The following LRBA variants were observed in gnomAD, a reference collection of about 807,000 sequenced individuals.
The protein encoded by LRBA is lipopolysaccharide-responsive and beige-like anchor protein.
Under a neutral mutation model 330.0 loss-of-function variants are expected in LRBA, and 176 were observed. The observed-to-expected ratio is 0.53, with a 90% CI of 0.47 to 0.60. LRBA has a LOEUF of 0.60. Ranked by LOEUF, LRBA falls within the 20% of genes least tolerant of loss-of-function variation. The pLI is 0.00. For synonymous variants in LRBA, 1,230 were observed against 1,193.0 expected, an observed-to-expected ratio of 1.03 and a Z score of -0.64; for missense variants, 3,259 against 3,444.8, an observed-to-expected ratio of 0.95 and a Z score of 1.35.
At chr4:150,928,267 T>C (rs1209926929) in intron 4 of LRBA, among the ~76,000 whole-genome samples, 2 of 152,228 alleles carry the variant, frequency 1.3e-5, no homozygotes, top group Non-Finnish European at 2.9e-5. Flanking sequence ...AAATATTGAA[T>C]GTACATTTAA....
At chr4:150,606,502 A>G (rs1490161980) in intron 37 of LRBA, among the ~76,000 whole-genome samples, 1 of 152,158 alleles carries the variant, frequency 6.6e-6, no homozygotes, top group Non-Finnish European at 1.5e-5. Context: ...TACACAGGAC[A>G]ATGGGGACAA....
intron 40 of LRBA, among the ~76,000 whole-genome samples, chr4:150,564,369 C>T (rs1225004463): frequency 6.6e-6 from 1 of 152,114 alleles, no homozygotes; most frequent in Non-Finnish European, 1.5e-5. Flanking sequence ...TTCCTTATCC[C>T]TCATACAAAA....
intron 35 of LRBA, among the ~76,000 whole-genome samples, chr4:150,758,823 C>T (rs1400979854): frequency 6.6e-6 from 1 of 151,982 alleles, no homozygotes; most frequent in African/African-American, 2.4e-5. Flanking sequence ...GATCCTCCCA[C>T]CTCGGCCTCT....
At chr4:150,678,376 A>G (rs1782759298) in intron 37 of LRBA, among the ~76,000 whole-genome samples, 2 of 152,214 alleles carry the variant, frequency 1.3e-5, no homozygotes, top group South Asian at 4.1e-4. Context: ...CTACACAAGA[A>G]AAAAATGGCT....
intron 40 of LRBA, among the ~76,000 whole-genome samples, chr4:150,553,801 T>C (rs1276095588): frequency 6.6e-6 from 1 of 152,166 alleles, no homozygotes; most frequent in Admixed American, 6.5e-5. Context: ...AAATGAGGAT[T>C]ATGACATAGA....
At chr4:150,986,545 C>G (rs1031202650) in intron 2 of LRBA, among the ~76,000 whole-genome samples, 1 of 152,198 alleles carries the variant, frequency 6.6e-6, no homozygotes, top group African/African-American at 2.4e-5. Flanking sequence ...ATCTGTCAAT[C>G]TGGTAAGATG....
intron 36 of LRBA, among the ~76,000 whole-genome samples, chr4:150,684,123 G>A (rs1280884658): frequency 6.6e-6 from 1 of 152,186 alleles, no homozygotes; most frequent in Non-Finnish European, 1.5e-5. Context: ...ATGGTAAGGA[G>A]TTTAGATTTT....
chr4:150,855,967 T>C (rs1336890653), intron 22 of LRBA, among the ~76,000 whole-genome samples: 2 of 152,152 alleles, frequency 1.3e-5, no homozygotes, highest in Non-Finnish European at 2.9e-5. Context: ...TGGGAAGTCT[T>C]ATAGGCAAGT....
intron 17 of LRBA, among the ~76,000 whole-genome samples, chr4:150,887,979 T>A (rs1297518533): frequency 6.6e-6 from 1 of 151,646 alleles, no homozygotes; most frequent in Non-Finnish European, 1.5e-5. Context: ...AAGACCCCAA[T>A]TCTAAAAAAC....
chr4:150,774,756 G>C (rs1737040272), intron 34 of LRBA, among the ~76,000 whole-genome samples: 1 of 152,124 alleles, frequency 6.6e-6, no homozygotes, highest in African/African-American at 2.4e-5. Context: ...TCCTCAAGGG[G>C]ACCCAGCTTC....
At chr4:150,945,421 C>T (rs1332418660) in intron 2 of LRBA, among the ~76,000 whole-genome samples, 1 of 152,142 alleles carries the variant, frequency 6.6e-6, no homozygotes, top group African/African-American at 2.4e-5. Flanking sequence ...CCACGATGTT[C>T]AAGACACAAT....
chr4:150,278,124 C>T, intron 55 of LRBA, 120 bp from the exon 56 acceptor site: 1 of 811,516 alleles, frequency 1.2e-6, no homozygotes, highest in Non-Finnish European at 1.8e-6. Flanking sequence ...GAGAGATCCT[C>T]AGGAGTTTTT....
chr4:150,542,267 C>T (rs1561325901), intron 40 of LRBA, among the ~76,000 whole-genome samples: 1 of 152,138 alleles, frequency 6.6e-6, no homozygotes, highest in East Asian at 1.9e-4. Flanking sequence ...ATTGGACTAC[C>T]TGGGTTCAAA....
intron 47 of LRBA, among the ~76,000 whole-genome samples, chr4:150,380,975 T>G (rs1581161880): frequency 1.5e-5 from 1 of 68,442 alleles, no homozygotes; most frequent in African/African-American, 5.8e-5. Flanking sequence ...AGAGCGAAAC[T>G]CCATCTCAAA....
Position 150,817,190 on chromosome 4 carries a change from T to C in LRBA, c.5239A>G (p.Asn1747Asp). Residue 1747 changes from asparagine (N) to aspartate (D), a missense_variant, in exon 31 of 57, where the codon AAT (asparagine) becomes GAT (aspartate). Transcript: ENST00000651943. ...PSTFNTSIPT[N>D]AVSVVSSVDS... ...ACTGAGGAAACCACACTGACAGCAT[T>C]GGTAGGTATGCTTGTATTAAAGGTG... 1 of 1,611,672 alleles carries C rather than the reference T, an allele frequency of 6.2e-7. No individual in the cohort carries two copies. The highest frequency in any genetic ancestry group is 2.2e-5 in the East Asian group (1 of 44,794).
In LRBA at chr4:150,968,284, T is replaced by A. The variant is rs145446951; in HGVS notation, c.217-39219A>T. The stretch of plus-strand genomic sequence containing the variant: ...TTCCAAAGTGCTGGGATCACAGGCA[T>A]GAGCCACTGTGCCCGGCCGCACATC... On this transcript the variant is annotated intron_variant, in intron 2 of 56. Coordinates refer to ENST00000651943, the MANE Select transcript of LRBA (RefSeq NM_001364905.1). Among the ~76,000 whole-genome samples, 620 of 152,288 alleles carry A rather than the reference T, an allele frequency of 4.1e-3. 6 individuals are homozygous for A. Among genetic ancestry groups the A allele is most frequent in the African/African-American group, 0.014 (594 of 41,572 alleles).
intron 36 of LRBA, among the ~76,000 whole-genome samples, chr4:150,729,987 A>T (rs1416683148): frequency 6.6e-6 from 1 of 152,240 alleles, no homozygotes; most frequent in African/African-American, 2.4e-5. Flanking sequence ...CCTTATGTAA[A>T]AATCAAATCA....
intron 37 of LRBA, among the ~76,000 whole-genome samples, chr4:150,677,740 G>T (rs1371396866): frequency 6.6e-6 from 1 of 151,354 alleles, no homozygotes; most frequent in African/African-American, 2.4e-5. Flanking sequence ...GGAGTTCAAA[G>T]TTGCAGTAAG....
chr4:150,689,886 C>A (rs531916941), intron 36 of LRBA, among the ~76,000 whole-genome samples: 2 of 152,000 alleles, frequency 1.3e-5, no homozygotes, highest in African/African-American at 2.4e-5. Flanking sequence ...GATTGTGCCA[C>A]TGCACTCCAG....
Sources: gnomAD v4.1 joint callset for allele counts (sites outside exome capture counted in the v4.1 genomes callset) on GRCh38, gnomAD v4.1.1 for gene constraint, MANE v1.5 for transcripts, NCBI Gene and HGNC (gene_info 2026-07-23, HGNC 2026-07-21) for gene names.